RBFOX1: variants seen among roughly 807,000 people sequenced by gnomAD.
RBFOX1 encodes RNA binding fox-1 homolog 1, also known as RNA binding protein fox-1 homolog 1.
In RBFOX1, 8 loss-of-function variants were observed where a neutral mutation model predicts 57.7. The observed-to-expected ratio is 0.14, with a 90% CI of 0.08 to 0.25. The LOEUF is 0.25. Among genes scored for constraint, RBFOX1 ranks in the 10% least tolerant of loss-of-function variants. RBFOX1 has a pLI of 1.00. For missense variants in RBFOX1, 611 were observed against 548.5 expected (o/e 1.11, Z -1.14); for synonymous variants, 326 against 222.4 (o/e 1.47, Z -4.15).
Position 7,518,262 on chromosome 16 carries a change from C to G in RBFOX1, c.143C>G (p.Pro48Arg). Reference sequence around the variant, plus strand: ...GAATACACGGCCCCTCATCCCCACCCCGCGCCAGAGTACACAGGCCAGACC... The same window carrying G: ...GAATACACGGCCCCTCATCCCCACCGCGCGCCAGAGTACACAGGCCAGACC... ...PAEYTAPHPH[P>R]APEYTGQTTV... Residue 48 changes from proline to arginine, a missense_variant, in exon 5 of 16, where the codon CCC becomes CGC. This residue lies in a region of RBFOX1 where 245 missense variants were observed against 159.1 expected (regional missense o/e 1.54). Coordinates refer to ENST00000550418, the MANE Select transcript of RBFOX1 (RefSeq NM_018723.4). The G allele has an allele frequency of 1.2e-6, 2 of 1,614,166 alleles. No homozygotes were observed. The highest frequency in any genetic ancestry group is 1.7e-6 in the Non-Finnish European group (2 of 1,180,018).
intron 3 of RBFOX1, among the ~76,000 whole-genome samples, chr16:6,793,345 A>C (rs1156911475): frequency 6.6e-6 from 1 of 152,090 alleles, no homozygotes. Context: ...TTTTTTTCCA[A>C]AATATGATTT....
chr16:6,758,535 A>G (rs2076150630), intron 3 of RBFOX1, among the ~76,000 whole-genome samples: 1 of 152,126 alleles, frequency 6.6e-6, no homozygotes, highest in African/African-American at 2.4e-5. Flanking sequence ...CAATTTAAAT[A>G]TCATTCAAAA....
intron 4 of RBFOX1, among the ~76,000 whole-genome samples, chr16:7,260,405 C>G (rs2153064384): frequency 6.6e-6 from 1 of 152,182 alleles, no homozygotes; most frequent in East Asian, 1.9e-4. Flanking sequence ...GAAACAAAAA[C>G]AATTAACCAA....
chr16:6,844,267 C>T (rs978160555), intron 3 of RBFOX1, among the ~76,000 whole-genome samples: 19 of 151,938 alleles, frequency 1.3e-4, no homozygotes, highest in Non-Finnish European at 2.8e-4. Context: ...TAAATAGGTA[C>T]CATGGCAGTT....
intron 1 of RBFOX1, among the ~76,000 whole-genome samples, chr16:6,113,325 G>A (rs1271653730): frequency 1.3e-5 from 2 of 152,202 alleles, no homozygotes; most frequent in Admixed American, 1.3e-4. Flanking sequence ...AGCAAGTTAT[G>A]TGGCCAAATC....
rs5815422 is a variant in RBFOX1 at position 7,683,841 on chromosome 16, T to TAA, written c.995+7011_995+7012dup. On this transcript the variant is annotated intron_variant, in intron 14 of 15. Coordinates refer to ENST00000550418, the MANE Select transcript of RBFOX1 (RefSeq NM_018723.4). ...CCTATGAATGAGCCATTTCTATTGC[T>TAA]AAAAAAAAACCTGCATTCTAGAAGA... Among the ~76,000 whole-genome samples the TAA allele has an allele frequency of 6.4e-4, 97 of 151,064 alleles. 4 individuals carry two copies. Among genetic ancestry groups the TAA allele is most frequent in the Admixed American group, 5.0e-3 (75 of 15,112 alleles).
rs530518847 is a variant in RBFOX1, at chr16:6,878,895, C to T, written c.-15-173162C>T. Among the ~76,000 whole-genome samples the T allele has an allele frequency of 2.0e-5, 3 of 152,216 alleles. No homozygotes were observed. The South Asian group carries it at 6.2e-4, about 32-fold the overall frequency. ...CTAATCTTTGATAGTTCTCCCAGTACCATCTTCAAGTTAAAGAAAAGGGTA... is the reference window on the plus strand; with the variant it reads ...CTAATCTTTGATAGTTCTCCCAGTATCATCTTCAAGTTAAAGAAAAGGGTA... On this transcript the variant is annotated intron_variant, in intron 3 of 15. Transcript: ENST00000550418.
At chr16:6,527,639 G>C (rs2153813038) in intron 2 of RBFOX1, among the ~76,000 whole-genome samples, 1 of 152,190 alleles carries the variant, frequency 6.6e-6, no homozygotes, top group Admixed American at 6.5e-5. Flanking sequence ...CTTATCTTGA[G>C]GACTGGTCTT....
Position 5,689,680 on chromosome 16 carries a change from G to A in RBFOX1, c.318+90719G>A, listed in dbSNP as rs1968116. 0.015 allele frequency among the ~76,000 whole-genome samples: 2,211 copies of A among 152,082 alleles called. 105 individuals are homozygous for A. In the East Asian group the frequency reaches 0.16, roughly 11 times the overall value. ...GTCACATTCACTTATTCAGTCATTC[G>A]TACATCAGATATATATTTTTGAACT... is the stretch of plus-strand genomic sequence containing the variant. On this transcript the variant is annotated intron_variant, in intron 3 of 19. Transcript: ENST00000641259.
chr16:5,934,976 C>T (rs565143130), intron 4 of RBFOX1, among the ~76,000 whole-genome samples: 1 of 152,156 alleles, frequency 6.6e-6, no homozygotes, highest in Non-Finnish European at 1.5e-5. Flanking sequence ...TTGGCCTCCC[C>T]CAGAGAGATC....
intron 1 of RBFOX1, among the ~76,000 whole-genome samples, chr16:5,388,463 AAC>A (rs1375819350): frequency 1.3e-5 from 2 of 152,152 alleles, no homozygotes; most frequent in African/African-American, 4.8e-5. Flanking sequence ...CAATCCTTTA[AAC>A]ACATGAAAAT....
At chr16:5,736,280 G>C (rs538970951) in intron 3 of RBFOX1, among the ~76,000 whole-genome samples, 1 of 152,148 alleles carries the variant, frequency 6.6e-6, no homozygotes, top group South Asian at 2.1e-4. Context: ...ATGGGGTATA[G>C]GGCTTTAGAA....
At chr16:7,156,117 C>T (rs1025460794) in intron 4 of RBFOX1, among the ~76,000 whole-genome samples, 11 of 151,804 alleles carry the variant, frequency 7.2e-5, no homozygotes, top group African/African-American at 2.2e-4. Context: ...AGCAATCTGC[C>T]CACTTTGGCC....
At chr16:6,911,915 G>T (rs1044272731) in intron 3 of RBFOX1, among the ~76,000 whole-genome samples, 4 of 152,012 alleles carry the variant, frequency 2.6e-5, no homozygotes, top group African/African-American at 9.7e-5. Context: ...AAATATAGAA[G>T]ACACAGTGTA....
chr16:7,650,950 G>GA (rs935277578), intron 11 of RBFOX1, among the ~76,000 whole-genome samples: 6 of 152,118 alleles, frequency 3.9e-5, no homozygotes, highest in Non-Finnish European at 7.3e-5. Flanking sequence ...TCCCCATTAA[G>GA]ACCCCACACG....
chr16:6,492,673 CT>C lies in RBFOX1; in HGVS notation c.-63-161928del, dbSNP rs147866407. 6.1e-3 allele frequency among the ~76,000 whole-genome samples: 932 copies of C among 152,308 alleles called. 18 individuals carry two copies. Among genetic ancestry groups the C allele is most frequent in the African/African-American group, 0.021 (887 of 41,562 alleles). On this transcript the variant is annotated intron_variant, in intron 2 of 15. Transcript: ENST00000550418. ...ATCGCTGAAGTTTGTGAAGATGCAG[CT>C]TGGTTCACTGCCGCATTGTGAACAG...
At chr16:5,872,065 C>T (rs935778177) in intron 4 of RBFOX1, among the ~76,000 whole-genome samples, 6 of 152,140 alleles carry the variant, frequency 3.9e-5, no homozygotes, top group African/African-American at 1.4e-4. Context: ...TTCCAAGCCT[C>T]GTTCTCAGGA....
At chr16:7,492,162 C>T (rs2151559828) in intron 4 of RBFOX1, among the ~76,000 whole-genome samples, 1 of 152,318 alleles carries the variant, frequency 6.6e-6, no homozygotes, top group Middle Eastern at 3.4e-3. Context: ...CTGCCTTCTG[C>T]ATTTGGAATT....
intron 14 of RBFOX1, chr16:7,693,394 C>G: frequency 6.6e-7 from 1 of 1,508,896 alleles, no homozygotes; most frequent in Non-Finnish European, 9.2e-7. Context: ...CTTCTTGATG[C>G]ATCCATCCAA....
Sources: allele counts gnomAD v4.1 joint callset (sites outside exome capture counted in the v4.1 genomes callset), GRCh38; gene constraint gnomAD v4.1.1; regional missense constraint gnomAD v4.1.1; transcripts MANE v1.5; gene names NCBI Gene and HGNC (gene_info 2026-07-23, HGNC 2026-07-21).